AKAP6: variants seen among roughly 807,000 people sequenced by gnomAD.
The protein encoded by AKAP6 is A-kinase anchor protein 6.
A neutral mutation model predicts 188.5 loss-of-function variants in AKAP6; 58 were observed. The ratio of observed to expected loss-of-function variants is 0.31; its 90% CI spans 0.25 to 0.38. The LOEUF is 0.38. AKAP6 is among the 10% of genes least tolerant of loss of function. The probability of loss-of-function intolerance (pLI) is 1.00; values close to 1 mark genes in which losing one functional copy is unlikely to be tolerated. For missense variants in AKAP6, 2,710 were observed against 2,740.0 expected, an observed-to-expected ratio of 0.99 and a Z score of 0.24; for synonymous variants, 989 against 998.6, an observed-to-expected ratio of 0.99 and a Z score of 0.18.
chr14:32,557,361 T>G (rs1269157056), intron 4 of AKAP6, among the ~76,000 whole-genome samples: 1 of 152,214 alleles, frequency 6.6e-6, no homozygotes, highest in Non-Finnish European at 1.5e-5. Flanking sequence ...CCTCCTAAAG[T>G]GCTGGGATTA....
chr14:32,477,417 T>G (rs1217581721), intron 2 of AKAP6, among the ~76,000 whole-genome samples: 1 of 152,024 alleles, frequency 6.6e-6, no homozygotes, highest in Non-Finnish European at 1.5e-5. Flanking sequence ...GGAGAGAGGA[T>G]AGCAGGCCCT....
intron 9 of AKAP6, among the ~76,000 whole-genome samples, chr14:32,718,652 T>G (rs2030360454): frequency 6.6e-6 from 1 of 152,182 alleles, no homozygotes; most frequent in Non-Finnish European, 1.5e-5. Context: ...GATAAACAAT[T>G]AACTTTGTTC....
chr14:32,794,308 C>G (rs191505848), intron 12 of AKAP6, among the ~76,000 whole-genome samples: 50 of 152,246 alleles, frequency 3.3e-4, no homozygotes, highest in Admixed American at 2.9e-3. Context: ...CACCTGTAAT[C>G]CCAGCATTTT....
intron 2 of AKAP6, among the ~76,000 whole-genome samples, chr14:32,500,471 G>A (rs1880555510): frequency 6.6e-6 from 1 of 152,178 alleles, no homozygotes; most frequent in African/African-American, 2.4e-5. Flanking sequence ...GTGACGCTGA[G>A]CATACTTCCC....
chr14:32,429,368 A>G (rs2138692847), intron 1 of AKAP6, among the ~76,000 whole-genome samples: 1 of 152,366 alleles, frequency 6.6e-6, no homozygotes, highest in South Asian at 2.1e-4. Flanking sequence ...AAACTTGAAT[A>G]GTCCTGATAA....
intron 2 of AKAP6, among the ~76,000 whole-genome samples, chr14:32,452,333 C>A (rs1052100347): frequency 6.6e-6 from 1 of 152,074 alleles, no homozygotes; most frequent in Non-Finnish European, 1.5e-5. Context: ...CATGCCCAGC[C>A]TATGCTATAA....
chr14:32,534,745 C>T (rs1378356777), intron 2 of AKAP6, among the ~76,000 whole-genome samples: 1 of 151,906 alleles, frequency 6.6e-6, no homozygotes, highest in Non-Finnish European at 1.5e-5. Flanking sequence ...GTGGGTGGAT[C>T]ACCTGAGGTC....
At chr14:32,803,852 C>A (rs933595390) in intron 12 of AKAP6, among the ~76,000 whole-genome samples, 1 of 152,240 alleles carries the variant, frequency 6.6e-6, no homozygotes, top group African/African-American at 2.4e-5. Context: ...CCTTGACAAA[C>A]TGATTCTTCT....
chr14:32,821,353 G>A, intron 12 of AKAP6, 49 bp from the exon 13 acceptor site: 1 of 1,515,842 alleles, frequency 6.6e-7, no homozygotes, highest in East Asian at 2.3e-5. Flanking sequence ...AAATTTTCAT[G>A]CTTGTGTTCC....
Position 32,546,470 on chromosome 14 carries a change from G to A in AKAP6, c.1817G>A (p.Gly606Asp), listed in dbSNP as rs915697862. Residue 606 changes from glycine (G) to aspartate (D), a missense_variant, in exon 4 of 14, where the codon GGT (glycine) becomes GAT (aspartate). This residue lies in a region of AKAP6 where 2,473 missense variants were observed against 2,426.1 expected (regional missense o/e 1.02). Coordinates refer to ENST00000280979, the MANE Select transcript of AKAP6 (RefSeq NM_004274.5). ...CTTTCAAAACACAAAAGCAAAAAAGGTCAAGCCTCCTCTCCAAGTCACGTC... is the reference window on the plus strand; with the variant it reads ...CTTTCAAAACACAAAAGCAAAAAAGATCAAGCCTCCTCTCCAAGTCACGTC... ...PLLSKHKSKK[G>D]QASSPSHVTR... The A allele has an allele frequency of 2.5e-6, 4 of 1,614,036 alleles. No individual in the cohort carries two copies. The African/African-American group carries it at 4.0e-5, about 16-fold the overall frequency.
In AKAP6 at chr14:32,821,921, G is replaced by C. The variant is rs372439537; in HGVS notation, c.4108G>C (p.Gly1370Arg). Residue 1370 changes from glycine to arginine, a missense_variant, in exon 13 of 14, where the codon GGA (glycine) becomes CGA (arginine). Physicochemically the swap from Gly to Arg is moderately radical, Grantham distance 125. This residue lies in a region of AKAP6 where 2,473 missense variants were observed against 2,426.1 expected (regional missense o/e 1.02). Coordinates refer to ENST00000280979, the MANE Select transcript of AKAP6 (RefSeq NM_004274.5). ...CAGTGAGAGTGGAATTGTCAGTGAA[G>C]GAGACACAGAAACCACTACCAACTC... ...SGSESGIVSE[G>R]DTETTTNSEM... 6.8e-6 allele frequency: 11 copies of C among 1,613,786 alleles called. No individual in the cohort carries two copies. Among genetic ancestry groups the C allele is most frequent in the Admixed American group, 5.0e-5 (3 of 59,922 alleles).
chr14:32,796,964 C>T (rs1268300405), intron 12 of AKAP6, among the ~76,000 whole-genome samples: 1 of 151,914 alleles, frequency 6.6e-6, no homozygotes, highest in African/African-American at 2.4e-5. Flanking sequence ...TCAAACAACC[C>T]CATTAAAAAG....
intron 7 of AKAP6, among the ~76,000 whole-genome samples, chr14:32,658,808 T>C (rs1485046100): frequency 6.6e-5 from 10 of 151,840 alleles, no homozygotes; most frequent in African/African-American, 2.4e-4. Flanking sequence ...CTAACTATAT[T>C]TCTTTCTTGT....
At chr14:32,610,194 G>A (rs541732914) in intron 7 of AKAP6, among the ~76,000 whole-genome samples, 3 of 152,148 alleles carry the variant, frequency 2.0e-5, no homozygotes, top group South Asian at 2.1e-4. Flanking sequence ...GGTTCCAAAC[G>A]GAGTAGATAA....
intron 7 of AKAP6, among the ~76,000 whole-genome samples, chr14:32,642,280 G>A (rs1177441876): frequency 6.6e-6 from 1 of 152,144 alleles, no homozygotes; most frequent in Non-Finnish European, 1.5e-5. Flanking sequence ...GCCCCTTCAG[G>A]AGTGCTCTTC....
intron 7 of AKAP6, among the ~76,000 whole-genome samples, chr14:32,645,405 C>G (rs1887945874): frequency 6.6e-6 from 1 of 152,130 alleles, no homozygotes; most frequent in Non-Finnish European, 1.5e-5. Context: ...CAATCTATTT[C>G]ATAACTGGGC....
rs534234367 is a variant in AKAP6 at position 32,606,694 on chromosome 14, T to A, written c.2730+5902T>A. On this transcript the variant is annotated intron_variant, in intron 7 of 13. Transcript: ENST00000280979. ...TCTTTAGTGAAAGGAGACAGAGAGTTAGCTGCTTTGAACTCTAGGATTGTG... is the reference window on the plus strand; with the variant it reads ...TCTTTAGTGAAAGGAGACAGAGAGTAAGCTGCTTTGAACTCTAGGATTGTG... 2.2e-4 allele frequency among the ~76,000 whole-genome samples: 34 copies of A among 152,086 alleles called. No individual in the cohort carries two copies. In the East Asian group the frequency reaches 6.2e-3, roughly 28 times the overall value.
At chr14:32,793,915 A>G (rs1301436255) in intron 12 of AKAP6, among the ~76,000 whole-genome samples, 1 of 152,058 alleles carries the variant, frequency 6.6e-6, no homozygotes, top group Non-Finnish European at 1.5e-5. Context: ...AAACTGTAAC[A>G]CCCCACTGAC....
intron 4 of AKAP6, among the ~76,000 whole-genome samples, chr14:32,572,514 A>G (rs1005836560): frequency 6.6e-6 from 1 of 152,248 alleles, no homozygotes; most frequent in Non-Finnish European, 1.5e-5. Context: ...CAGCCTTGCC[A>G]GAGGGCAAAG....
Sources: gnomAD v4.1 joint callset for allele counts (sites outside exome capture counted in the v4.1 genomes callset) on GRCh38, gnomAD v4.1.1 for gene constraint, gnomAD v4.1.1 regional missense constraint, MANE v1.5 for transcripts, NCBI Gene and HGNC (gene_info 2026-07-23, HGNC 2026-07-21) for gene names.